ZNF667: variants seen among roughly 807,000 people sequenced by gnomAD.
ZNF667 encodes zinc finger protein 667, also known as myocardial ischemic preconditioning upregulated 1 ortholog.
ZNF667 carries 13 observed loss-of-function variants against 31.8 expected under a neutral mutation model. The ratio of observed to expected loss-of-function variants is 0.41; its 90% CI spans 0.27 to 0.65. ZNF667 has a LOEUF of 0.65. Among genes scored for constraint, ZNF667 ranks in the 30% least tolerant of loss-of-function variants. ZNF667 has a pLI of 0.32. For synonymous variants in ZNF667, 228 were observed against 247.1 expected (o/e 0.92, Z 0.73); for missense variants, 642 against 725.6 (o/e 0.88, Z 1.32).
chr19:56,442,691 T>C lies in ZNF667; in HGVS notation c.304A>G (p.Lys102Glu). ...TKKLPPNQCN[K>E]SGQSICQKLV... The stretch of plus-strand genomic sequence containing the variant: ...TTCTGGCAGATGCTTTGCCCAGATT[T>C]GTTGCATTGATTTGGAGGTAACTTC... Residue 102 changes from lysine to glutamate, a missense_variant, in exon 7 of 7, where the codon AAA (lysine) becomes GAA (glutamate). Transcript: ENST00000504904. The C allele has an allele frequency of 6.2e-7, 1 of 1,609,706 alleles. No individual in the cohort carries two copies. Among genetic ancestry groups the C allele is most frequent in the Non-Finnish European group, 8.5e-7 (1 of 1,178,968 alleles).
At chr19:56,476,061 T>G (rs10412888) in intron 1 of ZNF667, among the ~76,000 whole-genome samples, 90,606 of 152,042 alleles carry the variant, frequency 0.6, 27,798 homozygotes, top group Middle Eastern at 0.73. Flanking sequence ...GTTCTACTTA[T>G]GCTCACCATA....
At chr19:56,470,029 G>A (rs372953927) in intron 3 of ZNF667, 22 of 458,234 alleles carry the variant, frequency 4.8e-5, no homozygotes, top group African/African-American at 2.6e-4. Context: ...GTCCTCCACC[G>A]GACAATGCAT....
intron 6 of ZNF667, chr19:56,449,760 C>T (rs2042782156): frequency 6.7e-6 from 1 of 149,690 alleles, no homozygotes; most frequent in Admixed American, 6.6e-5. Flanking sequence ...ATTCAGAATC[C>T]TATCAGATAA....
At chr19:56,469,763 C>G in intron 3 of ZNF667, 1 of 361,620 alleles carries the variant, frequency 2.8e-6, no homozygotes. Context: ...TGTCAACCGT[C>G]CTGAGGACAG....
intron 3 of ZNF667, among the ~76,000 whole-genome samples, chr19:56,463,259 A>G (rs927539336): frequency 7.2e-5 from 11 of 152,304 alleles, no homozygotes; most frequent in African/African-American, 2.6e-4. Flanking sequence ...ACTGTGTGTC[A>G]GAAGAGGGAG....
rs1227455838 is a variant in ZNF667 at position 56,440,433 on chromosome 19, C to G, written c.*729G>C. ...AAGACTCACTTTTCTTTATTCTCAC[C>G]CACAAGTTTGTCAGCTGAAAGTGGC... On this transcript the variant is annotated 3_prime_UTR_variant, in exon 7 of 7. Coordinates refer to ENST00000504904, the MANE Select transcript of ZNF667 (RefSeq NM_001321356.2). The G allele has an allele frequency of 2.3e-5, 5 of 219,252 alleles. No homozygotes were observed. Among genetic ancestry groups the G allele is most frequent in the Non-Finnish European group, 3.9e-5 (5 of 129,600 alleles). 13.6% of individuals were successfully genotyped at this position (219,252 alleles called of 1,614,324 possible).
At chr19:56,473,353 T>C (rs980945822) in intron 2 of ZNF667, among the ~76,000 whole-genome samples, 13 of 152,154 alleles carry the variant, frequency 8.5e-5, no homozygotes, top group African/African-American at 4.8e-5. Context: ...TGAGTCAAAA[T>C]ACGTAACACA....
chr19:56,471,399 A>G (rs919759762), intron 3 of ZNF667, among the ~76,000 whole-genome samples: 1 of 152,166 alleles, frequency 6.6e-6, no homozygotes, highest in African/African-American at 2.4e-5. Flanking sequence ...TATTGAACTG[A>G]TGTCACCTGG....
At chr19:56,454,923 C>T (rs1222179283) in intron 6 of ZNF667, among the ~76,000 whole-genome samples, 1 of 151,922 alleles carries the variant, frequency 6.6e-6, no homozygotes, top group Admixed American at 6.6e-5. Context: ...GCAAACTACC[C>T]ATCTGACAAG....
At chr19:56,476,121 A>G (rs1287464828) in intron 1 of ZNF667, among the ~76,000 whole-genome samples, 1 of 152,194 alleles carries the variant, frequency 6.6e-6, no homozygotes, top group African/African-American at 2.4e-5. Context: ...TGAACCGAGG[A>G]GTGGTGGACT....
chr19:56,466,615 T>G (rs1258348603), intron 3 of ZNF667, among the ~76,000 whole-genome samples: 1 of 152,136 alleles, frequency 6.6e-6, no homozygotes, highest in Non-Finnish European at 1.5e-5. Flanking sequence ...AGCTAGGCGC[T>G]CACAAGGCCC....
intron 4 of ZNF667, among the ~76,000 whole-genome samples, chr19:56,461,644 A>G (rs1252461517): frequency 2.0e-5 from 3 of 152,204 alleles, no homozygotes; most frequent in Non-Finnish European, 4.4e-5. Flanking sequence ...TGAGCTGCCA[A>G]GTTTGCAGCT....
In ZNF667 at chr19:56,442,707, A is replaced by C; in HGVS notation, c.288T>G (p.Pro96=). 1 of 1,602,572 alleles carries C rather than the reference A, an allele frequency of 6.2e-7. No individual in the cohort carries two copies. The highest frequency in any genetic ancestry group is 8.5e-7 in the Non-Finnish European group (1 of 1,176,252). Residue 96 remains proline (P), a synonymous_variant, in exon 7 of 7, where the codon CCT becomes CCG. Coordinates refer to ENST00000504904, the MANE Select transcript of ZNF667 (RefSeq NM_001321356.2). ...GCCCAGATTTGTTGCATTGATTTGGAGGTAACTTCTTGGTCTCACATTTAG... is the reference window on the plus strand; with the variant it reads ...GCCCAGATTTGTTGCATTGATTTGGCGGTAACTTCTTGGTCTCACATTTAG... The part of the protein sequence containing the change: ...SGSKCETKKL[P]PNQCNKSGQS...
At chr19:56,442,938 G>A (rs982358138) in intron 6 of ZNF667, among the ~76,000 whole-genome samples, 197 bp from the exon 7 acceptor site, 1 of 152,160 alleles carries the variant, frequency 6.6e-6, no homozygotes, top group Non-Finnish European at 1.5e-5. Context: ...GAGTTCAGAA[G>A]AGTGTAATTT....
chr19:56,462,270 A>C, intron 4 of ZNF667, 68 bp downstream of exon 4: 6 of 1,595,166 alleles, frequency 3.8e-6, no homozygotes, highest in Non-Finnish European at 4.3e-6. Flanking sequence ...CCATGGAAGG[A>C]AAGCAAATGG....
At chr19:56,470,202 T>C in intron 3 of ZNF667, 1 of 362,018 alleles carries the variant, frequency 2.8e-6, no homozygotes, top group African/African-American at 2.1e-5. Context: ...AAACTCTATT[T>C]ACCCTCACTG....
chr19:56,462,492 G>C lies in ZNF667; in HGVS notation c.-59-63C>G, dbSNP rs1223731509. ...TCCACAGGCCCCTACCTAACCTGGA[G>C]ACACACACACACACAGACACACATG... On this transcript the variant is annotated intron_variant, in intron 3 of 6. Coordinates refer to ENST00000504904, the MANE Select transcript of ZNF667 (RefSeq NM_001321356.2). 4.4e-6 allele frequency: 4 copies of C among 910,772 alleles called. No homozygotes were observed. In the African/African-American group the frequency reaches 6.6e-5, roughly 15 times the overall value. 56.4% of individuals were successfully genotyped at this position (910,772 alleles called of 1,614,324 possible). A position where few individuals can be genotyped will look rare whatever the true frequency, so the allele number is the denominator to read the frequency against.
chr19:56,471,072 G>A (rs967680077), intron 3 of ZNF667, among the ~76,000 whole-genome samples: 10 of 152,008 alleles, frequency 6.6e-5, no homozygotes, highest in South Asian at 4.2e-4. Context: ...TGGATCCTTC[G>A]TGAATAGTTG....
chr19:56,471,760 G>A lies in ZNF667; in HGVS notation c.-121C>T, dbSNP rs150836655. The stretch of plus-strand genomic sequence containing the variant: ...ACTTAGGTAAAATGACTTGTTCCAG[G>A]AAGTTGTAATGCATTCATCCCGCAG... On this transcript the variant is annotated 5_prime_UTR_variant, in exon 3 of 7. Coordinates refer to ENST00000504904, the MANE Select transcript of ZNF667 (RefSeq NM_001321356.2). The A allele has an allele frequency of 1.3e-5, 2 of 152,262 alleles. No individual in the cohort carries two copies. Among genetic ancestry groups the A allele is most frequent in the East Asian group, 3.9e-4 (2 of 5,184 alleles). 9.4% of individuals were successfully genotyped at this position (152,262 alleles called of 1,614,324 possible).
Sources: gnomAD v4.1 joint callset for allele counts (sites outside exome capture counted in the v4.1 genomes callset) on GRCh38, gnomAD v4.1.1 for gene constraint, MANE v1.5 for transcripts, NCBI Gene and HGNC (gene_info 2026-07-23, HGNC 2026-07-21) for gene names.